The following DYM variants were observed in gnomAD, a reference collection of about 807,000 sequenced individuals.
DYM encodes the protein dymeclin.
DYM carries 78 observed loss-of-function variants against 93.1 expected under a neutral mutation model. The observed-to-expected ratio is 0.84, with a 90% CI of 0.70 to 1.01. The LOEUF (loss-of-function observed/expected upper bound fraction) is 1.01. Ranked by LOEUF, DYM falls within the 50% of genes least tolerant of loss-of-function variation. The probability of loss-of-function intolerance (pLI) is 0.00; values close to 1 mark genes in which losing one functional copy is unlikely to be tolerated. For missense variants in DYM, 789 were observed against 845.0 expected, an observed-to-expected ratio of 0.93 and a Z score of 0.82; for synonymous variants, 321 against 319.7, an observed-to-expected ratio of 1.00 and a Z score of -0.04.
At chr18:49,094,885 G>A (rs1480475185) in intron 17 of DYM, among the ~76,000 whole-genome samples, 1 of 152,120 alleles carries the variant, frequency 6.6e-6, no homozygotes, top group African/African-American at 2.4e-5. Flanking sequence ...ATGAGTAAGG[G>A]GCGCTGTGAT....
chr18:49,130,431 T>C (rs940812199), intron 15 of DYM, among the ~76,000 whole-genome samples: 1 of 152,242 alleles, frequency 6.6e-6, no homozygotes, highest in Non-Finnish European at 1.5e-5. Context: ...CCTAGCACAA[T>C]GTCCGGCATT....
chr18:49,084,755 C>G (rs189432477), intron 17 of DYM, among the ~76,000 whole-genome samples: 47 of 152,180 alleles, frequency 3.1e-4, no homozygotes, highest in African/African-American at 1.1e-3. Context: ...ATAAATGGCT[C>G]TCATCAACAA....
intron 8 of DYM, among the ~76,000 whole-genome samples, chr18:49,293,366 G>A (rs1174491324): frequency 2.6e-5 from 4 of 152,254 alleles, no homozygotes; most frequent in African/African-American, 9.6e-5. Context: ...TGCGTCAAAT[G>A]GTATTTCTGG....
At chr18:49,354,656 G>A (rs140580069) in intron 6 of DYM, among the ~76,000 whole-genome samples, 48 of 152,178 alleles carry the variant, frequency 3.2e-4, no homozygotes, top group African/African-American at 1.1e-3. Context: ...AAGATACACA[G>A]ATGGCACAAG....
intron 14 of DYM, among the ~76,000 whole-genome samples, chr18:49,201,474 C>T (rs1036170902): frequency 6.6e-6 from 1 of 152,114 alleles, no homozygotes; most frequent in Non-Finnish European, 1.5e-5. Flanking sequence ...ATGCTTCGAC[C>T]ACATCAGTCA....
chr18:49,058,134 CA>C (rs1248838503), intron 17 of DYM, among the ~76,000 whole-genome samples: 1 of 152,202 alleles, frequency 6.6e-6, no homozygotes, highest in Non-Finnish European at 1.5e-5. Flanking sequence ...CTGGAAAATA[CA>C]AGACCTTTCC....
chr18:49,176,001 C>T (rs1421383146), intron 14 of DYM, among the ~76,000 whole-genome samples: 1 of 152,100 alleles, frequency 6.6e-6, no homozygotes, highest in Non-Finnish European at 1.5e-5. Context: ...GTATGACCTT[C>T]ATGGTATGAC....
chr18:49,421,588 C>T (rs373276737), intron 2 of DYM, among the ~76,000 whole-genome samples: 6 of 152,202 alleles, frequency 3.9e-5, no homozygotes, highest in Non-Finnish European at 8.8e-5. Flanking sequence ...AATCAGAGTG[C>T]CTCTTCTCCT....
At chr18:49,270,704 C>CA (rs1599024431) in intron 11 of DYM, among the ~76,000 whole-genome samples, 1 of 152,018 alleles carries the variant, frequency 6.6e-6, no homozygotes, top group East Asian at 1.9e-4. Context: ...AATATACACA[C>CA]AAAAAATAAA....
chr18:49,183,818 A>C (rs936806456), intron 14 of DYM, among the ~76,000 whole-genome samples: 3 of 152,192 alleles, frequency 2.0e-5, no homozygotes, highest in African/African-American at 2.4e-5. Flanking sequence ...TAAGGAAATA[A>C]TTAAGGTTAA....
intron 14 of DYM, among the ~76,000 whole-genome samples, chr18:49,195,916 C>CTTTTT (rs540189318): frequency 0.012 from 1,006 of 83,970 alleles, 136 homozygotes; most frequent in African/African-American, 0.039. Context: ...ATGCTACCAT[C>CTTTTT]TTTTTTTTTT....
intron 11 of DYM, among the ~76,000 whole-genome samples, chr18:49,267,602 A>G (rs2094591923): frequency 6.6e-6 from 1 of 152,172 alleles, no homozygotes; most frequent in Admixed American, 6.5e-5. Flanking sequence ...CTTAAAAAGT[A>G]TCAATGTCAG....
At chr18:49,405,634 T>G (rs1159048120) in intron 2 of DYM, among the ~76,000 whole-genome samples, 1 of 152,220 alleles carries the variant, frequency 6.6e-6, no homozygotes, top group Non-Finnish European at 1.5e-5. Flanking sequence ...TACTGTAGCC[T>G]TATAGTATAC....
At chr18:49,183,571 T>A (rs1276059113) in intron 14 of DYM, among the ~76,000 whole-genome samples, 2 of 152,210 alleles carry the variant, frequency 1.3e-5, no homozygotes, top group African/African-American at 4.8e-5. Flanking sequence ...ATTTTCAAGT[T>A]AATTATATAC....
At position 49,272,215 on chromosome 18, in the gene DYM, G is replaced by A. The variant is rs2094721982; in HGVS notation, c.1214C>T (p.Thr405Met). The A allele has an allele frequency of 7.4e-6, 12 of 1,611,402 alleles. No individual in the cohort carries two copies. Among genetic ancestry groups the A allele is most frequent in the Middle Eastern group, 1.7e-4 (1 of 6,046 alleles). ...YMALIILLIL[T>M]EDDGFNRSIH... is the part of the protein sequence containing the mutation. ...GGATCTGTTGAAGCCATCATCTTCCGTAAGGATCAACAATATTATAAGGGC... is the reference window on the plus strand; with the variant it reads ...GGATCTGTTGAAGCCATCATCTTCCATAAGGATCAACAATATTATAAGGGC... The change falls in exon 11 of 18, where the codon ACG becomes ATG. Residue 405 changes from threonine to methionine, a missense_variant. By Grantham distance (81) the Thr-to-Met change is moderately conservative. Transcript: ENST00000675505.
At chr18:49,071,715 C>T (rs528742810) in intron 17 of DYM, among the ~76,000 whole-genome samples, 1 of 152,264 alleles carries the variant, frequency 6.6e-6, no homozygotes, top group East Asian at 1.9e-4. Context: ...TGTGAAGCCG[C>T]TCCAAAGGGG....
intron 16 of DYM, among the ~76,000 whole-genome samples, chr18:49,111,254 A>C (rs2081364894): frequency 6.6e-6 from 1 of 152,102 alleles, no homozygotes; most frequent in South Asian, 2.1e-4. Flanking sequence ...AGGCTGTACA[A>C]AGGCAAGCTG....
chr18:49,203,727 G>A (rs890715608), intron 14 of DYM, among the ~76,000 whole-genome samples: 5 of 141,074 alleles, frequency 3.5e-5, no homozygotes, highest in Non-Finnish European at 7.7e-5. Context: ...GAAGGCCGCA[G>A]GGTCCTCTGC....
At chr18:49,360,149 G>C (rs570245788) in intron 6 of DYM, among the ~76,000 whole-genome samples, 2 of 151,968 alleles carry the variant, frequency 1.3e-5, no homozygotes, top group African/African-American at 4.8e-5. Flanking sequence ...TGCTCCTCAA[G>C]AGTGTTTAAA....
Sources: allele counts gnomAD v4.1 joint callset (sites outside exome capture counted in the v4.1 genomes callset), GRCh38; gene constraint gnomAD v4.1.1; transcripts MANE v1.5; gene names NCBI Gene and HGNC (gene_info 2026-07-23, HGNC 2026-07-21).